Variants in PTPN21 observed in about 807,000 individuals in gnomAD.
PTPN21 encodes protein tyrosine phosphatase non-receptor type 21.
A neutral mutation model predicts 131.8 loss-of-function variants in PTPN21; 77 were observed. The ratio of observed to expected loss-of-function variants is 0.58; its 90% CI spans 0.49 to 0.71. The LOEUF (loss-of-function observed/expected upper bound fraction) is 0.71. Among genes scored for constraint, PTPN21 ranks in the 30% least tolerant of loss-of-function variants. The probability of loss-of-function intolerance (pLI) is 0.00; values close to 1 mark genes in which losing one functional copy is unlikely to be tolerated. For synonymous variants in PTPN21, 715 were observed against 621.3 expected, an observed-to-expected ratio of 1.15 and a Z score of -2.24; for missense variants, 1,552 against 1,527.1, an observed-to-expected ratio of 1.02 and a Z score of -0.27.
rs572088213 is a variant in PTPN21 at position 88,549,658 on chromosome 14, C to T, written c.180+580G>A. 4.0e-5 allele frequency among the ~76,000 whole-genome samples: 6 copies of T among 151,562 alleles called. No individual in the cohort carries two copies. The South Asian group carries it at 1.3e-3, about 32-fold the overall frequency. On this transcript the variant is annotated intron_variant, in intron 2 of 18. Coordinates refer to ENST00000556564, the MANE Select transcript of PTPN21 (RefSeq NM_007039.4). ...TTGTTGCCCAGGCTGGAGTGCAGTG[C>T]TGTGATCTCAGCTCACTGCAACCTC...
At chr14:88,489,860 C>A (rs2077796876) in intron 10 of PTPN21, among the ~76,000 whole-genome samples, 1 of 152,004 alleles carries the variant, frequency 6.6e-6, no homozygotes, top group Non-Finnish European at 1.5e-5. Flanking sequence ...ACTGTTCACC[C>A]CCCTACCAAA....
intron 15 of PTPN21, 149 bp from the exon 16 acceptor site, chr14:88,470,199 A>G (rs759981859): frequency 4.6e-5 from 32 of 701,770 alleles, no homozygotes; most frequent in Non-Finnish European, 6.9e-5. Context: ...GAATAAGGAA[A>G]GACTTTTCAT....
intron 1 of PTPN21, among the ~76,000 whole-genome samples, chr14:88,553,400 C>T (rs1774289431): frequency 6.6e-6 from 1 of 151,956 alleles, no homozygotes; most frequent in African/African-American, 2.4e-5. Flanking sequence ...TCTTAATTTT[C>T]AGTAATATGC....
chr14:88,479,743 T>C lies in PTPN21; in HGVS notation c.1688A>G (p.Tyr563Cys). Residue 563 changes from tyrosine to cysteine, a missense_variant, in exon 13 of 19, where the codon TAC becomes TGC. Coordinates refer to ENST00000556564, the MANE Select transcript of PTPN21 (RefSeq NM_007039.4). Reference protein sequence around the residue: ...PSPNIMRTQVYRPPPPYPPPR... With the variant: ...PSPNIMRTQVCRPPPPYPPPR... Reference sequence around the variant, plus strand: ...GGGCGGGTAGGGTGGGGGTGGCCGGTACACCTGCGTCCGCATGATGTTGGG... The same window carrying C: ...GGGCGGGTAGGGTGGGGGTGGCCGGCACACCTGCGTCCGCATGATGTTGGG... 1 of 1,539,284 alleles carries C rather than the reference T, an allele frequency of 6.5e-7. No homozygotes were observed. Among genetic ancestry groups the C allele is most frequent in the Non-Finnish European group, 8.7e-7 (1 of 1,150,194 alleles).
intron 2 of PTPN21, among the ~76,000 whole-genome samples, chr14:88,522,629 T>G (rs1156804326): frequency 6.6e-6 from 1 of 152,124 alleles, no homozygotes; most frequent in Non-Finnish European, 1.5e-5. Context: ...AATGTTCAAG[T>G]TCTATCTTAA....
At chr14:88,515,619 A>G (rs2078257184) in intron 3 of PTPN21, 1 of 152,202 alleles carries the variant, frequency 6.6e-6, no homozygotes, top group Admixed American at 6.5e-5. Context: ...TATTCCCTCT[A>G]GAACATTTCT....
intron 10 of PTPN21, among the ~76,000 whole-genome samples, chr14:88,492,208 T>C (rs1259011650): frequency 6.6e-6 from 1 of 152,220 alleles, no homozygotes; most frequent in African/African-American, 2.4e-5. Flanking sequence ...ATGAACACTC[T>C]TAACTTATTA....
intron 12 of PTPN21, among the ~76,000 whole-genome samples, chr14:88,482,311 C>T (rs2077663421): frequency 6.6e-6 from 1 of 152,028 alleles, no homozygotes; most frequent in South Asian, 2.1e-4. Context: ...TGTGGAGTCT[C>T]GAACACCAGG....
At chr14:88,482,121 CTGCATGGCAGCATGTGAACGGAAGGG>C (rs1406885828) in intron 12 of PTPN21, among the ~76,000 whole-genome samples, 1 of 152,208 alleles carries the variant, frequency 6.6e-6, no homozygotes, top group African/African-American at 2.4e-5. Flanking sequence ...CCTATCCGGT[CTGCATGGCAGCATGTGAACGGAAGGG>C]TGCATGGGGT....
At position 88,505,804 on chromosome 14, in the gene PTPN21, T is replaced by A. The variant is rs190092744; in HGVS notation, c.449-433A>T. Among the ~76,000 whole-genome samples, 278 of 152,316 alleles carry A rather than the reference T, an allele frequency of 1.8e-3. 4 individuals are homozygous for A. The highest frequency in any genetic ancestry group is 6.0e-3 in the African/African-American group (249 of 41,568). ...TTGTGTTGAAATTTTTAATATTTTT[T>A]AAAAAATTGACAATTCAGCAAAATG... On this transcript the variant is annotated intron_variant, in intron 4 of 18. Transcript: ENST00000556564.
Position 88,468,247 on chromosome 14 carries a change from C to A in PTPN21, c.3415G>T (p.Val1139Leu). The change falls in exon 19 of 19, where the codon GTG (valine) becomes TTG (leucine). Residue 1139 changes from valine (V) to leucine (L), a missense_variant. Physicochemically the swap from Val to Leu is conservative, Grantham distance 32. This residue lies in a region of PTPN21 where 316 missense variants were observed against 378.5 expected (regional missense o/e 0.83). Coordinates refer to ENST00000556564, the MANE Select transcript of PTPN21 (RefSeq NM_007039.4). ...EHNEVLDIPR[V>L]LDMLRQQRMM... ...CTCTGTTGCCTCAGCATGTCCAGCA[C>A]TCTCGGGATGTCCAGCACCTAGGTT... 3.7e-6 allele frequency: 6 copies of A among 1,606,978 alleles called. No individual in the cohort carries two copies. Among genetic ancestry groups the A allele is most frequent in the Non-Finnish European group, 5.1e-6 (6 of 1,176,590 alleles).
intron 7 of PTPN21, 89 bp from the exon 8 acceptor site, chr14:88,500,960 A>T: frequency 1.1e-6 from 1 of 935,192 alleles, no homozygotes; most frequent in Non-Finnish European, 1.7e-6. Context: ...TCCCAGATGT[A>T]GAAAGTTCCG....
At chr14:88,517,503 T>G (rs1217825098) in intron 2 of PTPN21, among the ~76,000 whole-genome samples, 2 of 151,904 alleles carry the variant, frequency 1.3e-5, no homozygotes, top group African/African-American at 4.8e-5. Flanking sequence ...TTTACTGAAC[T>G]CTGAACCAAA....
chr14:88,485,660 AATG>A (rs2140108235), intron 11 of PTPN21, 119 bp downstream of exon 11: 2 of 625,012 alleles, frequency 3.2e-6, no homozygotes, highest in East Asian at 5.8e-5. Flanking sequence ...TTTGGTTAAA[AATG>A]ATGAAATATC....
intron 2 of PTPN21, among the ~76,000 whole-genome samples, chr14:88,523,753 ACACC>A (rs1319535309): frequency 4.0e-5 from 5 of 124,940 alleles, no homozygotes; most frequent in African/African-American, 1.4e-4. Flanking sequence ...ACACACACAC[ACACC>A]CCTGCCCTAC....
Position 88,518,720 on chromosome 14 carries a change from C to T in PTPN21, c.181-1459G>A, listed in dbSNP as rs550691921. Among the ~76,000 whole-genome samples, 30 of 151,550 alleles carry T rather than the reference C, an allele frequency of 2.0e-4. No homozygotes were observed. The South Asian group carries it at 4.4e-3, about 22-fold the overall frequency. On this transcript the variant is annotated intron_variant, in intron 2 of 18. Transcript: ENST00000556564. ...TGCTAGGATTATAGGCATGAGCCAC[C>T]GCACCCAGCCTCATAATTAATATTT...
rs560253319 is a variant in PTPN21, at chr14:88,465,808, T to C, written c.*2329A>G. ...TGGATAGATTTTTATTCAGAAATCC[T>C]TTCATATTCACTAACTGCAATTAAA... On this transcript the variant is annotated 3_prime_UTR_variant, in exon 19 of 19. Coordinates refer to ENST00000556564, the MANE Select transcript of PTPN21 (RefSeq NM_007039.4). 1.3e-5 allele frequency: 2 copies of C among 152,350 alleles called. No individual in the cohort carries two copies. Among genetic ancestry groups the C allele is most frequent in the East Asian group, 3.9e-4 (2 of 5,190 alleles). The allele number at this position is 152,350 out of a possible 1,614,324, so 9.4% of individuals were successfully genotyped here.
intron 10 of PTPN21, among the ~76,000 whole-genome samples, chr14:88,487,007 C>T (rs929707639): frequency 4.2e-5 from 6 of 141,434 alleles, no homozygotes; most frequent in African/African-American, 7.9e-5. Flanking sequence ...AGTACCTAAA[C>T]GTATTAGGGA....
At chr14:88,500,925 G>T in intron 7 of PTPN21, 54 bp from the exon 8 acceptor site, 1 of 1,271,230 alleles carries the variant, frequency 7.9e-7, no homozygotes, top group Non-Finnish European at 1.2e-6. Flanking sequence ...CAGAGGAACT[G>T]CTGCTAGAGT....
Sources: gnomAD v4.1 joint callset for allele counts (sites outside exome capture counted in the v4.1 genomes callset) on GRCh38, gnomAD v4.1.1 for gene constraint, gnomAD v4.1.1 regional missense constraint, MANE v1.5 for transcripts, NCBI Gene and HGNC (gene_info 2026-07-23, HGNC 2026-07-21) for gene names.